ITGBL1: variants seen among roughly 807,000 people sequenced by gnomAD.
ITGBL1 encodes integrin subunit beta like 1.
In ITGBL1, 51 loss-of-function variants were observed where a neutral mutation model predicts 68.5. The observed-to-expected ratio is 0.74, with a 90% CI of 0.59 to 0.94. The LOEUF (loss-of-function observed/expected upper bound fraction) is 0.94, where lower values mean the gene tolerates loss of function less well. Ranked by LOEUF, ITGBL1 falls within the 40% of genes least tolerant of loss-of-function variation. The pLI is 0.00. For synonymous variants in ITGBL1, 209 were observed against 227.3 expected, an observed-to-expected ratio of 0.92 and a Z score of 0.72; for missense variants, 649 against 647.4, an observed-to-expected ratio of 1.00 and a Z score of -0.03.
chr13:101,709,790 C>T (rs2034380230), intron 9 of ITGBL1, among the ~76,000 whole-genome samples: 1 of 152,214 alleles, frequency 6.6e-6, no homozygotes, highest in African/African-American at 2.4e-5. Context: ...AGCGGGTCTT[C>T]CCTAAGACCT....
intron 2 of ITGBL1, among the ~76,000 whole-genome samples, chr13:101,492,825 T>C (rs148119218): frequency 6.6e-6 from 1 of 152,296 alleles, no homozygotes; most frequent in Non-Finnish European, 1.5e-5. Flanking sequence ...CAATCCTCTT[T>C]TGAATTCCCA....
intron 7 of ITGBL1, among the ~76,000 whole-genome samples, chr13:101,607,854 T>A (rs2030943953): frequency 6.6e-6 from 1 of 152,110 alleles, no homozygotes; most frequent in Admixed American, 6.6e-5. Flanking sequence ...ATGATTTATC[T>A]GCAGGCATTA....
chr13:101,654,140 G>A (rs74120610), intron 7 of ITGBL1, among the ~76,000 whole-genome samples: 16,795 of 152,118 alleles, frequency 0.11, 1,045 homozygotes, highest in South Asian at 0.26. Flanking sequence ...TTTCAGGAAC[G>A]AAAAGGATCA....
intron 7 of ITGBL1, among the ~76,000 whole-genome samples, chr13:101,640,341 T>A (rs2032319253): frequency 6.6e-6 from 1 of 152,162 alleles, no homozygotes; most frequent in African/African-American, 2.4e-5. Flanking sequence ...AATTTTAAAA[T>A]AAGGCAGTCT....
intron 7 of ITGBL1, among the ~76,000 whole-genome samples, chr13:101,601,677 C>T (rs1056295433): frequency 7.9e-5 from 12 of 152,094 alleles, no homozygotes; most frequent in Admixed American, 7.9e-4. Context: ...TTATTTCTTC[C>T]TTCATTTCGT....
In ITGBL1 at chr13:101,598,304, G is replaced by A. The variant is rs1442514990; in HGVS notation, c.1015+5G>A. On this transcript the variant is annotated splice_donor_5th_base_variant and intron_variant, in intron 7 of 10. Transcript: ENST00000376180. The stretch of plus-strand genomic sequence containing the variant: ...ATCTGCCTTGCTCTGGGAGGGGTAA[G>A]TGAGGTCTCTCAGGGCTTCCCACGG... The A allele has an allele frequency of 1.3e-6, 2 of 1,597,878 alleles. No homozygotes were observed. Among genetic ancestry groups the A allele is most frequent in the Non-Finnish European group, 1.7e-6 (2 of 1,172,794 alleles).
intron 2 of ITGBL1, among the ~76,000 whole-genome samples, chr13:101,503,109 G>T (rs2048970935): frequency 6.6e-6 from 1 of 152,194 alleles, no homozygotes; most frequent in African/African-American, 2.4e-5. Context: ...GTCATATTTG[G>T]TAAAAGAAAT....
intron 7 of ITGBL1, among the ~76,000 whole-genome samples, chr13:101,638,242 G>A (rs1250318131): frequency 2.0e-5 from 3 of 152,026 alleles, no homozygotes; most frequent in Admixed American, 6.6e-5. Context: ...CCATATAAAA[G>A]CAAAAACATT....
intron 3 of ITGBL1, among the ~76,000 whole-genome samples, chr13:101,573,301 T>C (rs1378485896): frequency 6.6e-6 from 1 of 152,134 alleles, no homozygotes; most frequent in Non-Finnish European, 1.5e-5. Flanking sequence ...TAAAATGAAG[T>C]TTAATGACAG....
At chr13:101,575,337 ACT>A in intron 3 of ITGBL1, 85 bp from the exon 4 acceptor site, 1 of 1,232,128 alleles carries the variant, frequency 8.1e-7, no homozygotes, top group Non-Finnish European at 1.2e-6. Context: ...TGGATTATCT[ACT>A]CTCTTGAGAG....
At chr13:101,720,550 GTGTGTGTGTGTGTGTA>G (rs1466407106), downstream of ITGBL1, 1 of 151,476 alleles carries the variant, frequency 6.6e-6, no homozygotes, top group African/African-American at 2.4e-5. Context: ...GTGTGTGTGT[GTGTGTGTGTGTGTGTA>G]TATGTGTGTG....
intron 2 of ITGBL1, among the ~76,000 whole-genome samples, chr13:101,455,832 A>G (rs1277691765): frequency 6.6e-6 from 1 of 152,184 alleles, no homozygotes; most frequent in South Asian, 2.1e-4. Flanking sequence ...TCTCTGACCT[A>G]TGGCCTCTGG....
chr13:101,462,688 T>C (rs1053411376), intron 2 of ITGBL1, among the ~76,000 whole-genome samples: 2 of 152,198 alleles, frequency 1.3e-5, no homozygotes, highest in Non-Finnish European at 2.9e-5. Context: ...GGTCAAGTGA[T>C]ACTCCTGCCT....
chr13:101,599,552 G>C (rs1248783972), intron 7 of ITGBL1, among the ~76,000 whole-genome samples: 1 of 152,086 alleles, frequency 6.6e-6, no homozygotes, highest in Admixed American at 6.6e-5. Flanking sequence ...TTTTCTTCTA[G>C]GGTTTTTATG....
chr13:101,522,187 C>A (rs947825844), intron 2 of ITGBL1, among the ~76,000 whole-genome samples: 2 of 152,112 alleles, frequency 1.3e-5, no homozygotes, highest in African/African-American at 2.4e-5. Context: ...TCTCTACTTA[C>A]AGTCACATGG....
intron 6 of ITGBL1, among the ~76,000 whole-genome samples, chr13:101,589,254 A>G (rs982762033): frequency 6.6e-6 from 1 of 152,200 alleles, no homozygotes; most frequent in Non-Finnish European, 1.5e-5. Flanking sequence ...AAGTTTATCC[A>G]TGCACTTTTA....
intron 7 of ITGBL1, among the ~76,000 whole-genome samples, chr13:101,640,344 G>A (rs2032319440): frequency 1.3e-5 from 2 of 152,072 alleles, no homozygotes; most frequent in African/African-American, 4.8e-5. Flanking sequence ...TTTAAAATAA[G>A]GCAGTCTGTT....
intron 2 of ITGBL1, among the ~76,000 whole-genome samples, chr13:101,483,827 T>C (rs1385643571): frequency 6.6e-6 from 1 of 152,220 alleles, no homozygotes; most frequent in African/African-American, 2.4e-5. Context: ...ATAACTCAGA[T>C]AATTAAAGGC....
chr13:101,593,204 T>C (rs2050685648), intron 6 of ITGBL1, among the ~76,000 whole-genome samples: 1 of 151,982 alleles, frequency 6.6e-6, no homozygotes, highest in Non-Finnish European at 1.5e-5. Context: ...CACAGTGAGA[T>C]ACCTCTTCAC....
Sources: gnomAD v4.1 joint callset for allele counts (sites outside exome capture counted in the v4.1 genomes callset) on GRCh38, gnomAD v4.1.1 for gene constraint, MANE v1.5 for transcripts, NCBI Gene and HGNC (gene_info 2026-07-23, HGNC 2026-07-21) for gene names.